Variants in GRAMD2B observed in about 807,000 individuals in gnomAD.
GRAMD2B encodes GRAM domain containing 2B.
GRAMD2B carries 41 observed loss-of-function variants against 59.2 expected under a neutral mutation model. The observed-to-expected ratio is 0.69, with a 90% CI of 0.54 to 0.90. The LOEUF (loss-of-function observed/expected upper bound fraction) is 0.90. GRAMD2B is among the 40% of genes least tolerant of loss of function. The probability of loss-of-function intolerance (pLI) is 0.00; values close to 1 mark genes in which losing one functional copy is unlikely to be tolerated. For synonymous variants in GRAMD2B, 161 were observed against 182.7 expected (o/e 0.88, Z 0.96); for missense variants, 424 against 500.5 (o/e 0.85, Z 1.46).
At chr5:126,399,197 A>T (rs935096517) in intron 1 of GRAMD2B, among the ~76,000 whole-genome samples, 4 of 152,160 alleles carry the variant, frequency 2.6e-5, no homozygotes, top group Admixed American at 2.0e-4. Flanking sequence ...TGGGGTATTG[A>T]GGTATCCTAC....
chr5:126,397,247 CAG>C (rs965377031), intron 1 of GRAMD2B, among the ~76,000 whole-genome samples: 11 of 152,036 alleles, frequency 7.2e-5, no homozygotes, highest in African/African-American at 2.7e-4. Flanking sequence ...ATTTTTGAGA[CAG>C]AGTCTGGCTC....
At position 126,393,055 on chromosome 5, in the gene GRAMD2B, A is replaced by T. The variant is rs139212015; in HGVS notation, c.125+21488A>T. Among the ~76,000 whole-genome samples the T allele has an allele frequency of 2.5e-3, 377 of 152,312 alleles. 3 individuals carry two copies. The highest frequency in any genetic ancestry group is 8.8e-3 in the African/African-American group (364 of 41,554). On this transcript the variant is annotated intron_variant, in intron 1 of 8. Coordinates refer to the GRAMD2B transcript ENST00000506445. ...CGCAGGACTCAAAGTTCACGCAAGA[A>T]AATGGTTTAAGGACTGAGTGGGTAC...
intron 1 of GRAMD2B, among the ~76,000 whole-genome samples, chr5:126,364,452 G>C (rs1017967796): frequency 6.6e-6 from 1 of 152,232 alleles, no homozygotes; most frequent in Non-Finnish European, 1.5e-5. Context: ...AGTGGAAAAT[G>C]AAAGTGTAGG....
intron 1 of GRAMD2B, among the ~76,000 whole-genome samples, chr5:126,377,100 A>G (rs780060536): frequency 7.4e-5 from 11 of 148,544 alleles, no homozygotes; most frequent in Non-Finnish European, 1.2e-4. Flanking sequence ...CGCACATTCA[A>G]TATTTTCTCA....
At chr5:126,404,517 C>T (rs780809511) in intron 1 of GRAMD2B, among the ~76,000 whole-genome samples, 4 of 151,770 alleles carry the variant, frequency 2.6e-5, no homozygotes, top group African/African-American at 4.8e-5. Context: ...CCTATATTTT[C>T]GGATTCCTAA....
chr5:126,466,485 G>C (rs1768443150), intron 2 of GRAMD2B: 2 of 632,018 alleles, frequency 3.2e-6, no homozygotes, highest in Middle Eastern at 2.6e-4. Context: ...GAGTGCAGTG[G>C]CACATTCTCA....
At chr5:126,408,674 C>T (rs1182873287) in intron 1 of GRAMD2B, among the ~76,000 whole-genome samples, 1 of 141,284 alleles carries the variant, frequency 7.1e-6, no homozygotes, top group Non-Finnish European at 1.5e-5. Context: ...GTCCTTGCAG[C>T]TTCTGCCTGA....
chr5:126,435,815 A>AT (rs1762320558), intron 1 of GRAMD2B, among the ~76,000 whole-genome samples: 1 of 152,086 alleles, frequency 6.6e-6, no homozygotes, highest in Admixed American at 6.5e-5. Flanking sequence ...TGGCCTCTTT[A>AT]TTTTTTTATT....
rs80240711 is a variant in GRAMD2B at position 126,459,318 on chromosome 5, A to C, written c.84-6108A>C. On this transcript the variant is annotated intron_variant, in intron 1 of 13. Coordinates refer to ENST00000285689, the MANE Select transcript of GRAMD2B (RefSeq NM_023927.4). ...GAAATGGGGTCTCTCTATGTTGCCC[A>C]AGCTGGTTTCAAACTCCTGGCCTCA... Among the ~76,000 whole-genome samples, 352 of 152,296 alleles carry C rather than the reference A, an allele frequency of 2.3e-3. 10 individuals are homozygous for C. In the East Asian group the frequency reaches 0.064, roughly 28 times the overall value.
upstream of GRAMD2B, among the ~76,000 whole-genome samples, chr5:126,367,595 C>T (rs1250920973): frequency 2.0e-5 from 3 of 152,086 alleles, no homozygotes. Context: ...CCAGAATGCT[C>T]GGATATAATA....
intron 1 of GRAMD2B, among the ~76,000 whole-genome samples, chr5:126,449,070 C>G (rs1362854631): frequency 6.6e-6 from 1 of 152,202 alleles, no homozygotes; most frequent in South Asian, 2.1e-4. Flanking sequence ...TTTTCCAAAG[C>G]GATGCGTTTC....
Position 126,381,847 on chromosome 5 carries a change from C to T in GRAMD2B, c.125+10280C>T, listed in dbSNP as rs56821257. Among the ~76,000 whole-genome samples, 643 of 152,042 alleles carry T rather than the reference C, an allele frequency of 4.2e-3. 3 individuals carry two copies. Among genetic ancestry groups the T allele is most frequent in the African/African-American group, 0.014 (596 of 41,456 alleles). ...TGGCATATTTTGAGGATTTGTTTCACGATTTAGAGCTCCTTTAGCTGCTCT... is the reference window on the plus strand; with the variant it reads ...TGGCATATTTTGAGGATTTGTTTCATGATTTAGAGCTCCTTTAGCTGCTCT... On this transcript the variant is annotated intron_variant, in intron 1 of 8. Coordinates refer to the GRAMD2B transcript ENST00000506445.
intron 1 of GRAMD2B, 196 bp from the exon 2 acceptor site, chr5:126,465,228 CTG>C (rs1768087680): frequency 1.4e-6 from 2 of 1,425,432 alleles, no homozygotes; most frequent in African/African-American, 2.9e-5. Flanking sequence ...CAGGTGCGAC[CTG>C]CAGCTACTGC....
At chr5:126,468,844 C>A (rs956664424) in intron 2 of GRAMD2B, among the ~76,000 whole-genome samples, 1 of 152,112 alleles carries the variant, frequency 6.6e-6, no homozygotes, top group African/African-American at 2.4e-5. Context: ...CTTCTCCTAA[C>A]TCCTATAATA....
intron 1 of GRAMD2B, among the ~76,000 whole-genome samples, chr5:126,436,311 A>T (rs1352728050): frequency 2.0e-5 from 3 of 152,170 alleles, no homozygotes; most frequent in Non-Finnish European, 4.4e-5. Flanking sequence ...TAGACATTAT[A>T]CTGTGTTATA....
At chr5:126,360,480 C>A (rs1754167944) in intron 1 of GRAMD2B, 1 of 1,546,578 alleles carries the variant, frequency 6.5e-7, no homozygotes, top group Non-Finnish European at 8.7e-7. Context: ...GGTCTCAGAC[C>A]TGGAAAAACC....
intron 1 of GRAMD2B, among the ~76,000 whole-genome samples, chr5:126,434,154 C>G (rs1382941145): frequency 6.6e-6 from 1 of 152,150 alleles, no homozygotes; most frequent in African/African-American, 2.4e-5. Context: ...TCTATACATC[C>G]AATTCAACAT....
At chr5:126,412,965 A>G (rs1758948126) in intron 1 of GRAMD2B, among the ~76,000 whole-genome samples, 1 of 151,914 alleles carries the variant, frequency 6.6e-6, no homozygotes, top group Admixed American at 6.6e-5. Context: ...CACCTTTGTC[A>G]TTTCTGATTG....
intron 12 of GRAMD2B, among the ~76,000 whole-genome samples, chr5:126,487,829 T>C (rs1002881884): frequency 6.6e-6 from 1 of 152,218 alleles, no homozygotes. Flanking sequence ...TGCAGGTCTA[T>C]ATAACTACAA....
Sources: gnomAD v4.1 joint callset for allele counts (sites outside exome capture counted in the v4.1 genomes callset) on GRCh38, gnomAD v4.1.1 for gene constraint, MANE v1.5 for transcripts, NCBI Gene and HGNC (gene_info 2026-07-23, HGNC 2026-07-21) for gene names.